DYNC1I1: variants seen among roughly 807,000 people sequenced by gnomAD.
DYNC1I1 encodes dynein cytoplasmic 1 intermediate chain 1, also known as cytoplasmic dynein 1 intermediate chain 1.
In DYNC1I1, 43 loss-of-function variants were observed where a neutral mutation model predicts 86.6. The ratio of observed to expected loss-of-function variants is 0.50; its 90% CI spans 0.39 to 0.64. The LOEUF (loss-of-function observed/expected upper bound fraction) is 0.64, where lower values mean the gene tolerates loss of function less well. DYNC1I1 is among the 30% of genes least tolerant of loss of function. The pLI is 0.00. For missense variants in DYNC1I1, 604 were observed against 788.8 expected, an observed-to-expected ratio of 0.77 and a Z score of 2.81; for synonymous variants, 262 against 283.7, an observed-to-expected ratio of 0.92 and a Z score of 0.77.
intron 6 of DYNC1I1, among the ~76,000 whole-genome samples, chr7:95,964,449 T>C (rs1792954610): frequency 6.6e-6 from 1 of 152,134 alleles, no homozygotes; most frequent in African/African-American, 2.4e-5. Context: ...GAGAGTTTGA[T>C]ACAGCAGCTG....
At chr7:96,070,229 A>G (rs930774969) in intron 14 of DYNC1I1, among the ~76,000 whole-genome samples, 1 of 152,156 alleles carries the variant, frequency 6.6e-6, no homozygotes, top group African/African-American at 2.4e-5. Flanking sequence ...CCCTTGGGCC[A>G]AGAGAGTTGG....
chr7:95,964,726 C>T (rs536389999), intron 6 of DYNC1I1, among the ~76,000 whole-genome samples: 12 of 152,274 alleles, frequency 7.9e-5, no homozygotes, highest in South Asian at 4.1e-4. Flanking sequence ...GAAGGGAAAA[C>T]AAGTGCCATG....
At chr7:95,951,904 T>C (rs1302506990) in intron 6 of DYNC1I1, among the ~76,000 whole-genome samples, 1 of 152,164 alleles carries the variant, frequency 6.6e-6, no homozygotes, top group East Asian at 1.9e-4. Flanking sequence ...TTCTCTGGGG[T>C]TCTCCACAGC....
At chr7:96,052,802 C>T (rs879541808) in intron 14 of DYNC1I1, among the ~76,000 whole-genome samples, 13 of 152,002 alleles carry the variant, frequency 8.6e-5, no homozygotes, top group Admixed American at 3.9e-4. Flanking sequence ...TGATGCCATG[C>T]GATGGAGTGT....
At chr7:96,050,460 C>T (rs79939982) in intron 14 of DYNC1I1, among the ~76,000 whole-genome samples, 16 of 152,106 alleles carry the variant, frequency 1.1e-4, no homozygotes, top group African/African-American at 2.9e-4. Context: ...ATTGTCAATT[C>T]TCTTTGTGAT....
intron 6 of DYNC1I1, among the ~76,000 whole-genome samples, chr7:95,911,587 T>A (rs2116343631): frequency 6.6e-6 from 1 of 152,256 alleles, no homozygotes; most frequent in Non-Finnish European, 1.5e-5. Flanking sequence ...TAGGAAATAG[T>A]TGAAACACTA....
intron 6 of DYNC1I1, among the ~76,000 whole-genome samples, chr7:95,957,929 C>T (rs1242027648): frequency 2.0e-5 from 3 of 152,124 alleles, no homozygotes; most frequent in Non-Finnish European, 4.4e-5. Flanking sequence ...TTATCCAGCT[C>T]GTCACAATTG....
intron 5 of DYNC1I1, among the ~76,000 whole-genome samples, chr7:95,855,450 A>G (rs1789693496): frequency 6.6e-6 from 1 of 152,186 alleles, no homozygotes; most frequent in African/African-American, 2.4e-5. Context: ...ACTGGAGACC[A>G]TTGATCATCC....
intron 14 of DYNC1I1, among the ~76,000 whole-genome samples, chr7:96,062,323 C>G (rs1789806022): frequency 6.6e-6 from 1 of 152,154 alleles, no homozygotes; most frequent in Non-Finnish European, 1.5e-5. Context: ...CTTCCGGAGA[C>G]AGACATGTTT....
intron 5 of DYNC1I1, among the ~76,000 whole-genome samples, chr7:95,848,135 TCCA>T (rs1388190432): frequency 6.6e-6 from 1 of 151,976 alleles, no homozygotes. Flanking sequence ...ACACTTAACA[TCCA>T]CCGTCTTACC....
chr7:95,929,181 C>T (rs1344061247), intron 6 of DYNC1I1, among the ~76,000 whole-genome samples: 2 of 152,092 alleles, frequency 1.3e-5, no homozygotes, highest in East Asian at 3.9e-4. Flanking sequence ...TCCTGCAATG[C>T]CCTAACCTCC....
intron 1 of DYNC1I1, among the ~76,000 whole-genome samples, chr7:95,790,199 T>C (rs1233841811): frequency 6.6e-6 from 1 of 152,208 alleles, no homozygotes; most frequent in African/African-American, 2.4e-5. Flanking sequence ...CCTGGGACTT[T>C]CCTGGTTCTA....
At chr7:95,906,354 A>G (rs986589355) in intron 6 of DYNC1I1, among the ~76,000 whole-genome samples, 96 of 152,326 alleles carry the variant, frequency 6.3e-4, no homozygotes, top group African/African-American at 2.2e-3. Context: ...GATATTCGTA[A>G]AAAGTAAATG....
In DYNC1I1 at chr7:96,061,735, C is replaced by T. The variant is rs987044189; in HGVS notation, c.1510-14322C>T. 1.1e-4 allele frequency among the ~76,000 whole-genome samples: 16 copies of T among 148,600 alleles called. No individual in the cohort carries two copies. The East Asian group carries it at 2.2e-3, about 20-fold the overall frequency. On this transcript the variant is annotated intron_variant, in intron 14 of 16. Coordinates refer to ENST00000447467, the MANE Select transcript of DYNC1I1 (RefSeq NM_001135556.2). ...TCTCACACACACACACACACACACA[C>T]GCACACAAACACACACACACACACA...
chr7:95,785,765 G>GTA (rs1794117049), intron 1 of DYNC1I1, among the ~76,000 whole-genome samples: 1 of 95,664 alleles, frequency 1.0e-5, no homozygotes, highest in Non-Finnish European at 2.2e-5. Context: ...GTATATATAT[G>GTA]TGTGTATGTG....
intron 6 of DYNC1I1, among the ~76,000 whole-genome samples, chr7:95,962,295 G>C (rs777156443): frequency 2.0e-5 from 3 of 152,108 alleles, no homozygotes; most frequent in Non-Finnish European, 4.4e-5. Context: ...ACAGGTCTAG[G>C]AGACTGTCTC....
chr7:95,998,305 A>T (rs190345445), intron 10 of DYNC1I1, among the ~76,000 whole-genome samples: 223 of 152,388 alleles, frequency 1.5e-3, no homozygotes, highest in Non-Finnish European at 2.0e-3. Context: ...GTGGGCAGAC[A>T]TGGGACTTGA....
chr7:95,797,263 C>T (rs183956140), intron 1 of DYNC1I1, among the ~76,000 whole-genome samples: 2 of 152,026 alleles, frequency 1.3e-5, no homozygotes, highest in Admixed American at 6.5e-5. Context: ...AACTGACAAG[C>T]TAGGGTGATT....
chr7:95,911,812 C>T (rs1244103359), intron 6 of DYNC1I1, among the ~76,000 whole-genome samples: 2 of 152,090 alleles, frequency 1.3e-5, no homozygotes, highest in Admixed American at 1.3e-4. Flanking sequence ...TTGAGAACCA[C>T]TACTTTAAAG....
Sources: allele counts gnomAD v4.1 joint callset (sites outside exome capture counted in the v4.1 genomes callset), GRCh38; gene constraint gnomAD v4.1.1; transcripts MANE v1.5; gene names NCBI Gene and HGNC (gene_info 2026-07-23, HGNC 2026-07-21).